The following BMS1 variants were observed in gnomAD, a reference collection of about 807,000 sequenced individuals.
BMS1 encodes the protein ribosome biogenesis protein BMS1 homolog.
A neutral mutation model predicts 138.7 loss-of-function variants in BMS1; 53 were observed. The ratio of observed to expected loss-of-function variants is 0.38; its 90% CI spans 0.31 to 0.48. The LOEUF (loss-of-function observed/expected upper bound fraction) is 0.48. Among genes scored for constraint, BMS1 ranks in the 20% least tolerant of loss-of-function variants. The pLI is 0.97. For synonymous variants in BMS1, 504 were observed against 539.9 expected (o/e 0.93, Z 0.92); for missense variants, 1,360 against 1,565.5 (o/e 0.87, Z 2.22).
At chr10:42,788,530 C>T (rs1045487225) in intron 4 of BMS1, among the ~76,000 whole-genome samples, 1 of 151,998 alleles carries the variant, frequency 6.6e-6, no homozygotes, top group African/African-American at 2.4e-5. Context: ...TATAGTTATT[C>T]TGAATTATAT....
chr10:42,815,165 G>A (rs7080394), intron 13 of BMS1, among the ~76,000 whole-genome samples: 11,974 of 152,212 alleles, frequency 0.079, 748 homozygotes, highest in African/African-American at 0.16. Context: ...GAGAATTGGC[G>A]TATTTTTGAT....
chr10:42,828,213 A>G (rs1195947403), intron 21 of BMS1, among the ~76,000 whole-genome samples: 1 of 152,252 alleles, frequency 6.6e-6, no homozygotes, highest in East Asian at 1.9e-4. Flanking sequence ...TTTATAAAAT[A>G]CAGCACATTC....
Position 42,817,417 on chromosome 10 carries a change from A to T in BMS1, c.2503A>T (p.Met835Leu). 1 of 1,609,728 alleles carries T rather than the reference A, an allele frequency of 6.2e-7. No individual in the cohort carries two copies. Among genetic ancestry groups the T allele is most frequent in the Non-Finnish European group, 8.5e-7 (1 of 1,179,300 alleles). The change falls in exon 15 of 23, where the codon ATG becomes TTG. Residue 835 changes from methionine to leucine, a missense_variant. Met to Leu is a conservative substitution (Grantham distance 15). Coordinates refer to ENST00000374518, the MANE Select transcript of BMS1 (RefSeq NM_014753.4). ...GGATAAGAAGAGAAAATTGAAGGAG[A>T]TGTTTGATGCAGAATATGATGAAGG... ...HLDKKRKLKE[M>L]FDAEYDEGES...
At chr10:42,803,406 T>C (rs1048693282) in intron 13 of BMS1, among the ~76,000 whole-genome samples, 2 of 152,192 alleles carry the variant, frequency 1.3e-5, no homozygotes, top group Non-Finnish European at 2.9e-5. Flanking sequence ...TCCAAAGTGC[T>C]GGGATTACAG....
At chr10:42,829,751 G>A (rs573291799) in intron 21 of BMS1, among the ~76,000 whole-genome samples, 4 of 152,170 alleles carry the variant, frequency 2.6e-5, no homozygotes, top group African/African-American at 9.6e-5. Context: ...GAACCCAGGA[G>A]GTGGAGGTTG....
intron 3 of BMS1, among the ~76,000 whole-genome samples, chr10:42,785,928 G>A (rs533449091): frequency 5.9e-5 from 9 of 152,066 alleles, no homozygotes; most frequent in Non-Finnish European, 8.8e-5. Context: ...CCCAGCACTC[G>A]GGCTGGAAAA....
intron 3 of BMS1, among the ~76,000 whole-genome samples, chr10:42,785,934 G>C (rs1841313992): frequency 6.6e-6 from 1 of 152,118 alleles, no homozygotes; most frequent in Admixed American, 6.5e-5. Flanking sequence ...ACTCGGGCTG[G>C]AAAATCAAGC....
At chr10:42,806,894 G>C (rs1564421109) in intron 13 of BMS1, among the ~76,000 whole-genome samples, 1 of 152,078 alleles carries the variant, frequency 6.6e-6, no homozygotes. Flanking sequence ...AATACAGAGA[G>C]ATCTCCTGTA....
intron 13 of BMS1, among the ~76,000 whole-genome samples, chr10:42,814,360 G>A (rs996953722): frequency 6.6e-5 from 10 of 151,962 alleles, no homozygotes; most frequent in South Asian, 2.1e-4. Flanking sequence ...CTCCTCTGTC[G>A]TCTCCACTTT....
intron 9 of BMS1, among the ~76,000 whole-genome samples, chr10:42,794,346 T>C (rs1440801180): frequency 2.0e-5 from 3 of 152,150 alleles, no homozygotes; most frequent in Non-Finnish European, 4.4e-5. Context: ...AGAAGCCACA[T>C]GCCTTGTCTC....
intron 15 of BMS1, 130 bp downstream of exon 15, chr10:42,817,624 T>C: frequency 1.1e-6 from 1 of 869,952 alleles, no homozygotes; most frequent in Middle Eastern, 3.7e-4. Context: ...TCATTCGGAC[T>C]CCTGGGTAGA....
At chr10:42,827,240 G>A (rs1049315136) in intron 21 of BMS1, among the ~76,000 whole-genome samples, 6 of 152,054 alleles carry the variant, frequency 3.9e-5, no homozygotes, top group African/African-American at 7.3e-5. Flanking sequence ...CAAGACCCTC[G>A]CCAGATGTGC....
chr10:42,834,682 C>G lies in BMS1; in HGVS notation c.*3586C>G, dbSNP rs1842845647. 1 of 152,126 alleles carries G rather than the reference C, an allele frequency of 6.6e-6. No homozygotes were observed. The highest frequency in any genetic ancestry group is 1.5e-5 in the Non-Finnish European group (1 of 68,032). The allele number at this position is 152,126 out of a possible 1,614,324, so 9.4% of individuals were successfully genotyped here. On this transcript the variant is annotated 3_prime_UTR_variant, in exon 23 of 23. Coordinates refer to ENST00000374518, the MANE Select transcript of BMS1 (RefSeq NM_014753.4). The stretch of plus-strand genomic sequence containing the variant: ...TTGGGGATGGTACCTTATCGAAAAT[C>G]AGATAAACTTTGGTTGGATGGGTAT...
rs932039700 is a variant in BMS1, at chr10:42,790,640, G to A, written c.636+129G>A. The A allele has an allele frequency of 4.5e-5, 47 of 1,054,500 alleles. No homozygotes were observed. In the African/African-American group the frequency reaches 7.0e-4, roughly 16 times the overall value. 65.3% of individuals were successfully genotyped at this position (1,054,500 alleles called of 1,614,324 possible). A position where few individuals can be genotyped will look rare whatever the true frequency, so the allele number is the denominator to read the frequency against. The stretch of plus-strand genomic sequence containing the variant: ...AGGCAGAGGCGGTCGGATCACTTGA[G>A]CCTAGAGTTTTGAGCTCAGGGCAAC... On this transcript the variant is annotated intron_variant, in intron 5 of 22. Coordinates refer to ENST00000374518, the MANE Select transcript of BMS1 (RefSeq NM_014753.4).
rs746299280 is a variant in BMS1 at position 42,822,197 on chromosome 10, A to G, written c.3132+13A>G. Reference sequence around the variant, plus strand: ...TTCATTTATTAAGGTCTGTATATCTATATATTCTCATATTTATAAATGTCC... The same window carrying G: ...TTCATTTATTAAGGTCTGTATATCTGTATATTCTCATATTTATAAATGTCC... On this transcript the variant is annotated intron_variant, in intron 19 of 22. Transcript: ENST00000374518. 36 of 1,226,164 alleles carry G rather than the reference A, an allele frequency of 2.9e-5. No individual in the cohort carries two copies. The highest frequency in any genetic ancestry group is 6.7e-5 in the South Asian group (5 of 75,062). The allele number at this position is 1,226,164 out of a possible 1,614,324, so 76.0% of individuals were successfully genotyped here. A position where few individuals can be genotyped will look rare whatever the true frequency, so the allele number is the denominator to read the frequency against.
At chr10:42,784,223 G>A in intron 1 of BMS1, 139 bp from the exon 2 acceptor site, 1 of 542,950 alleles carries the variant, frequency 1.8e-6, no homozygotes, top group East Asian at 3.1e-5. Flanking sequence ...GGATGGTTAA[G>A]CAGTTTCTAC....
chr10:42,798,355 C>T, intron 11 of BMS1, 113 bp from the exon 12 acceptor site: 3 of 1,330,904 alleles, frequency 2.3e-6, no homozygotes, highest in Non-Finnish European at 2.1e-6. Context: ...CCACCACAGA[C>T]AGAGTCCCTC....
chr10:42,803,839 T>C lies in BMS1; in HGVS notation c.2329+1621T>C, dbSNP rs1239658231. Among the ~76,000 whole-genome samples the C allele has an allele frequency of 2.0e-5, 3 of 152,198 alleles. No homozygotes were observed. In the East Asian group the frequency reaches 5.8e-4, roughly 29 times the overall value. On this transcript the variant is annotated intron_variant, in intron 13 of 22. Coordinates refer to ENST00000374518, the MANE Select transcript of BMS1 (RefSeq NM_014753.4). The stretch of plus-strand genomic sequence containing the variant: ...ATATGTGAATATACCATCACCACAA[T>C]CAAAATAATGAACACATTTGTCACC...
At position 42,790,856 on chromosome 10, in the gene BMS1, A is replaced by C. The variant is rs560336956; in HGVS notation, c.636+345A>C. On this transcript the variant is annotated intron_variant, in intron 5 of 22. Transcript: ENST00000374518. ...CACAGTGAGACGCTTGTCTCAAAAAAAAAAAATACTAAAGAGACATTACTA... is the reference window on the plus strand; with the variant it reads ...CACAGTGAGACGCTTGTCTCAAAAACAAAAAATACTAAAGAGACATTACTA... Among the ~76,000 whole-genome samples, 268 of 152,306 alleles carry C rather than the reference A, an allele frequency of 1.8e-3. 5 individuals are homozygous for C. Among genetic ancestry groups the C allele is most frequent in the Middle Eastern group, 6.8e-3 (2 of 294 alleles).
Sources: allele counts gnomAD v4.1 joint callset (sites outside exome capture counted in the v4.1 genomes callset), GRCh38; gene constraint gnomAD v4.1.1; transcripts MANE v1.5; gene names NCBI Gene and HGNC (gene_info 2026-07-23, HGNC 2026-07-21).